SP110: variants seen among roughly 807,000 people sequenced by gnomAD.
SP110 encodes the protein interferon-induced protein 41, 30kD.
In SP110, 62 loss-of-function variants were observed where a neutral mutation model predicts 92.7. That is an observed-to-expected ratio of 0.67 (90% CI 0.55 to 0.83). SP110 has a LOEUF of 0.83. Among genes scored for constraint, SP110 ranks in the 40% least tolerant of loss-of-function variants. SP110 has a pLI of 0.00. For synonymous variants in SP110, 273 were observed against 305.3 expected, an observed-to-expected ratio of 0.89 and a Z score of 1.10; for missense variants, 793 against 863.9, an observed-to-expected ratio of 0.92 and a Z score of 1.03.
intron 1 of SP110, 183 bp downstream of exon 1, chr2:230,219,691 T>G (rs1574816097): frequency 6.5e-6 from 1 of 153,372 alleles, no homozygotes; most frequent in Non-Finnish European, 1.4e-5. Context: ...AAAAAAGAGG[T>G]GTCAGTGTTC....
intron 3 of SP110, among the ~76,000 whole-genome samples, chr2:230,214,400 G>C (rs1163129043): frequency 2.0e-5 from 3 of 152,124 alleles, no homozygotes; most frequent in Non-Finnish European, 2.9e-5. Flanking sequence ...GACCCAAGTA[G>C]GACTCTTGCT....
intron 8 of SP110, among the ~76,000 whole-genome samples, chr2:230,204,346 C>T (rs183594744): frequency 9.2e-5 from 14 of 152,234 alleles, no homozygotes; most frequent in Admixed American, 9.2e-4. Context: ...ACGTGTAGAG[C>T]ATTGTGAGAG....
chr2:230,181,068 T>C (rs578084276), intron 12 of SP110, among the ~76,000 whole-genome samples: 1 of 152,250 alleles, frequency 6.6e-6, no homozygotes, highest in African/African-American at 2.4e-5. Context: ...TCAGGACCAC[T>C]GCATGAAGTT....
At chr2:230,178,293 T>C in intron 12 of SP110, 38 bp from the exon 13 acceptor site, 4 of 1,186,486 alleles carry the variant, frequency 3.4e-6, no homozygotes, top group Non-Finnish European at 5.0e-6. Context: ...TTATTCAGTC[T>C]TCACTCCATC....
At chr2:230,182,286 C>G (rs554900254) in intron 12 of SP110, among the ~76,000 whole-genome samples, 1 of 152,230 alleles carries the variant, frequency 6.6e-6, no homozygotes, top group African/African-American at 2.4e-5. Flanking sequence ...GGGAGGAGAA[C>G]AGCACACATT....
intron 7 of SP110, among the ~76,000 whole-genome samples, chr2:230,209,121 T>C (rs548009026): frequency 6.6e-6 from 1 of 152,296 alleles, no homozygotes; most frequent in South Asian, 2.1e-4. Flanking sequence ...GGTTGAATGA[T>C]AGCTATAAAA....
At chr2:230,202,220 A>T (rs934459896) in intron 9 of SP110, among the ~76,000 whole-genome samples, 5 of 152,220 alleles carry the variant, frequency 3.3e-5, no homozygotes, top group African/African-American at 7.2e-5. Flanking sequence ...TTAATATTTT[A>T]AAATTATTAG....
chr2:230,218,488 A>T (rs1399500831), intron 1 of SP110, among the ~76,000 whole-genome samples: 1 of 152,228 alleles, frequency 6.6e-6, no homozygotes, highest in African/African-American at 2.4e-5. Flanking sequence ...GGGGAAGGAG[A>T]TAGTGCAAAG....
intron 2 of SP110, 35 bp downstream of exon 2, chr2:230,216,746 G>A (rs1337292129): frequency 6.2e-7 from 1 of 1,612,170 alleles, no homozygotes; most frequent in Non-Finnish European, 8.5e-7. Flanking sequence ...ATTGGTGGGG[G>A]CTGGGCTGCC....
rs1055427701 is a variant in SP110, at chr2:230,200,813, C to T, written c.1129+72G>A. On this transcript the variant is annotated intron_variant, in intron 10 of 18. Transcript: ENST00000258381. ...AAAAAAAAAAGTTAAGAAATATTGC[C>T]TCAGTGTAAGACAGCTCTGAATTTA... is the stretch of plus-strand genomic sequence containing the variant. 11 of 1,157,412 alleles carry T rather than the reference C, an allele frequency of 9.5e-6. No homozygotes were observed. The African/African-American group carries it at 1.7e-4, about 18-fold the overall frequency. 71.7% of individuals were successfully genotyped at this position (1,157,412 alleles called of 1,614,324 possible).
Position 230,167,375 on chromosome 2 carries a change from G to A in SP110, c.*1749C>T, listed in dbSNP as rs565853414. The stretch of plus-strand genomic sequence containing the variant: ...GATCCACCTGCCTCGGCCTCCTAAA[G>A]TGCTGGGATTTCAGGTGTGAGCCAC... On this transcript the variant is annotated 3_prime_UTR_variant, in exon 19 of 19. Transcript: ENST00000258381. 7 of 150,318 alleles carry A rather than the reference G, an allele frequency of 4.7e-5. No individual in the cohort carries two copies. Among genetic ancestry groups the A allele is most frequent in the African/African-American group, 1.7e-4 (7 of 40,632 alleles). The allele number at this position is 150,318 out of a possible 1,614,324, so 9.3% of individuals were successfully genotyped here.
intron 14 of SP110, among the ~76,000 whole-genome samples, chr2:230,177,140 G>A (rs1427285): frequency 0.17 from 26,095 of 152,072 alleles, 2,301 homozygotes; most frequent in Middle Eastern, 0.23. Flanking sequence ...GACATGCAGC[G>A]GAGAGACAGA....
At chr2:230,203,763 TG>T (rs1458802211) in intron 8 of SP110, 5 of 152,254 alleles carry the variant, frequency 3.3e-5, no homozygotes, top group African/African-American at 1.2e-4. Context: ...TTATGTGTTT[TG>T]TTTTGTAAAA....
upstream of SP110, chr2:230,220,210 A>T (rs957913780): frequency 1.3e-5 from 4 of 304,756 alleles, no homozygotes; most frequent in African/African-American, 9.0e-5. Context: ...GAGGAGGCAT[A>T]AGGGTACAGC....
chr2:230,180,092 T>C (rs2042061965), intron 12 of SP110, among the ~76,000 whole-genome samples: 1 of 152,042 alleles, frequency 6.6e-6, no homozygotes. Context: ...GCAGCTGGCT[T>C]GTTTGAAAGG....
upstream of SP110, among the ~76,000 whole-genome samples, chr2:230,224,542 G>A (rs2046106666): frequency 6.6e-6 from 1 of 151,462 alleles, no homozygotes; most frequent in Admixed American, 6.6e-5. Context: ...AGGAGAGAGA[G>A]AGAGATACTG....
chr2:230,189,287 T>A (rs1422175787), intron 10 of SP110, among the ~76,000 whole-genome samples: 2 of 152,194 alleles, frequency 1.3e-5, no homozygotes, highest in Admixed American at 6.5e-5. Flanking sequence ...CAATTTGTGA[T>A]CTTTCAGACT....
chr2:230,212,451 A>G (rs1284374455), intron 4 of SP110, 21 bp from the exon 5 acceptor site: 2 of 1,552,770 alleles, frequency 1.3e-6, no homozygotes, highest in East Asian at 4.5e-5. Context: ...AAAGGAAATT[A>G]TTACAGATTG....
intron 8 of SP110, among the ~76,000 whole-genome samples, chr2:230,203,885 T>C (rs1288098921): frequency 1.3e-5 from 2 of 152,186 alleles, no homozygotes; most frequent in East Asian, 3.8e-4. Flanking sequence ...GTTTTAGTTT[T>C]ACAAGATAAA....
Sources: gnomAD v4.1 joint callset for allele counts (sites outside exome capture counted in the v4.1 genomes callset) on GRCh38, gnomAD v4.1.1 for gene constraint, MANE v1.5 for transcripts, NCBI Gene and HGNC (gene_info 2026-07-23, HGNC 2026-07-21) for gene names.